Variants in AFDN observed in about 807,000 individuals in gnomAD.
AFDN encodes afadin.
AFDN carries 68 observed loss-of-function variants against 216.6 expected under a neutral mutation model. The observed-to-expected ratio is 0.31, with a 90% CI of 0.26 to 0.38. The LOEUF (loss-of-function observed/expected upper bound fraction) is 0.38, where lower values mean the gene tolerates loss of function less well. Ranked by LOEUF, AFDN falls within the 10% of genes least tolerant of loss-of-function variation. The pLI, the probability that AFDN is intolerant of heterozygous loss-of-function variation, is 1.00. For synonymous variants in AFDN, 868 were observed against 853.7 expected, an observed-to-expected ratio of 1.02 and a Z score of -0.29; for missense variants, 2,136 against 2,342.0, an observed-to-expected ratio of 0.91 and a Z score of 1.82.
chr6:167,895,082 A>G (rs1026618668), intron 9 of AFDN, among the ~76,000 whole-genome samples: 9 of 151,710 alleles, frequency 5.9e-5, no homozygotes, highest in Admixed American at 3.3e-4. Flanking sequence ...ATTGCTAACT[A>G]TGGACCGTAT....
rs57383020 is a variant in AFDN at position 167,897,642 on chromosome 6, C to CTTTTTTTTTTT, written c.1318-548_1318-538dup. ...AATATTGGTTAAGATGACTGTATGC[C>CTTTTTTTTTTT]TTTTTTTTTTTTTTTTTTTTTTTTT... is the stretch of plus-strand genomic sequence containing the variant. On this transcript the variant is annotated intron_variant, in intron 10 of 33. Transcript: ENST00000683244. Among the ~76,000 whole-genome samples, 21 of 89,752 alleles carry CTTTTTTTTTTT rather than the reference C, an allele frequency of 2.3e-4. 1 individual carries two copies. The highest frequency in any genetic ancestry group is 8.3e-4 in the South Asian group (2 of 2,400). The allele number at this position is 89,752 out of a possible 152,430, so 58.9% of individuals were successfully genotyped here. A position where few individuals can be genotyped will look rare whatever the true frequency, so the allele number is the denominator to read the frequency against.
At chr6:167,925,515 G>A (rs1792403045) in intron 23 of AFDN, among the ~76,000 whole-genome samples, 1 of 152,100 alleles carries the variant, frequency 6.6e-6, no homozygotes, top group Non-Finnish European at 1.5e-5. Context: ...AAACCGCTAA[G>A]GACTTTGCTA....
At chr6:167,898,523 G>T in intron 11 of AFDN, 56 bp downstream of exon 11, 2 of 1,490,008 alleles carry the variant, frequency 1.3e-6, no homozygotes, top group South Asian at 2.6e-5. Context: ...AAGTAGTTCA[G>T]ATTATTCATA....
Position 167,947,932 on chromosome 6 carries a change from C to G in AFDN, c.3633C>G (p.Asn1211Lys), listed in dbSNP as rs1352394606. The G allele has an allele frequency of 6.2e-7, 1 of 1,612,866 alleles. No individual in the cohort carries two copies. Among genetic ancestry groups the G allele is most frequent in the Admixed American group, 1.7e-5 (1 of 59,984 alleles). Residue 1211 changes from asparagine to lysine, a missense_variant, in exon 28 of 34, where the codon AAC becomes AAG. By Grantham distance (94) the Asn-to-Lys change is moderately conservative. Around this residue, in one of 8 missense-constraint regions of AFDN, gnomAD observed 981 missense variants for 966.0 expected, o/e 1.02. Transcript: ENST00000683244. ...TAKITSVSTG[N>K]LCTEEQTPPP... ...AGATAACATCTGTCTCTACTGGAAA[C>G]CTCTGCACTGAGGTCTGATTGATTG...
chr6:167,840,643 A>G (rs1562532725), intron 1 of AFDN, among the ~76,000 whole-genome samples: 1 of 152,244 alleles, frequency 6.6e-6, no homozygotes, highest in African/African-American at 2.4e-5. Context: ...GTGTTTTCAT[A>G]GCATCATGTT....
intron 13 of AFDN, among the ~76,000 whole-genome samples, chr6:167,907,999 C>T (rs1789923590): frequency 6.6e-6 from 1 of 152,320 alleles, no homozygotes; most frequent in East Asian, 1.9e-4. Flanking sequence ...TGATTTGGTG[C>T]TGAACACCTC....
At chr6:167,965,466 TTCAG>T (rs1301118759) in intron 31 of AFDN, among the ~76,000 whole-genome samples, 1 of 152,068 alleles carries the variant, frequency 6.6e-6, no homozygotes, top group Non-Finnish European at 1.5e-5. Flanking sequence ...CAGAGGAGAA[TTCAG>T]TCCACTGGGA....
intron 1 of AFDN, among the ~76,000 whole-genome samples, chr6:167,860,055 C>T (rs1783365039): frequency 1.3e-5 from 2 of 150,714 alleles, no homozygotes; most frequent in South Asian, 2.1e-4. Flanking sequence ...ATGAAGTGAT[C>T]ATAGGCAGTT....
intron 29 of AFDN, among the ~76,000 whole-genome samples, chr6:167,950,958 A>G (rs567582563): frequency 3.0e-4 from 45 of 151,794 alleles, no homozygotes; most frequent in African/African-American, 1.0e-3. Context: ...CAGCCTCCCA[A>G]AGTGCTGGGA....
Position 167,946,740 on chromosome 6 carries a change from C to T in AFDN, c.3392C>T (p.Pro1131Leu). 6.2e-7 allele frequency: 1 copy of T among 1,613,984 alleles called. No individual in the cohort carries two copies. The highest frequency in any genetic ancestry group is 1.1e-5 in the South Asian group (1 of 91,064). Reference protein sequence around the residue: ...SDRRGSGKPRPKSEGFELYNN... With the variant: ...SDRRGSGKPRLKSEGFELYNN... The stretch of plus-strand genomic sequence containing the variant: ...CGTCGTGGCTCAGGTAAACCCCGAC[C>T]AAAGAGTGAAGGCTTTGAGCTCTAT... The change falls in exon 27 of 34, where the codon CCA (proline) becomes CTA (leucine). Residue 1131 changes from proline (P) to leucine (L), a missense_variant. By Grantham distance (98) the Pro-to-Leu change is moderately conservative. Transcript: ENST00000683244.
chr6:167,831,198 A>G (rs1779795437), intron 1 of AFDN, among the ~76,000 whole-genome samples: 1 of 152,072 alleles, frequency 6.6e-6, no homozygotes, highest in Non-Finnish European at 1.5e-5. Context: ...TGGCCTCCCA[A>G]AGTCCTGGGA....
chr6:167,894,968 GCTTT>G (rs925412639), intron 9 of AFDN, among the ~76,000 whole-genome samples: 1 of 151,996 alleles, frequency 6.6e-6, no homozygotes, highest in African/African-American at 2.4e-5. Context: ...TACTGCTTTT[GCTTT>G]CTTTATAATT....
Position 167,864,849 on chromosome 6 carries a change from ATCTT to A in AFDN, c.301+108_301+111del, listed in dbSNP as rs745981756. On this transcript the variant is annotated intron_variant, in intron 2 of 33. Coordinates refer to ENST00000683244, the MANE Select transcript of AFDN (RefSeq NM_001386888.1). Reference sequence around the variant, plus strand: ...CATGTCAGGTTTACTGCTCGTCTCCATCTTTCTTCTCTTTTGGTGGGTAGGAGAG... The same window carrying A: ...CATGTCAGGTTTACTGCTCGTCTCCATCTTCTCTTTTGGTGGGTAGGAGAG... The A allele has an allele frequency of 2.5e-6, 3 of 1,184,342 alleles. No homozygotes were observed. The African/African-American group carries it at 4.5e-5, about 18-fold the overall frequency. The allele number at this position is 1,184,342 out of a possible 1,614,324, so 73.4% of individuals were successfully genotyped here.
chr6:167,964,324 A>C lies in AFDN; in HGVS notation c.4969-1433A>C, dbSNP rs565865488. ...CTGCTCTTGGTATAACTAAAAGAGG[A>C]TATTTTGATTTCTTCCTAAAATGTT... On this transcript the variant is annotated intron_variant, in intron 31 of 33. Transcript: ENST00000683244. 13 of 1,064,262 alleles carry C rather than the reference A, an allele frequency of 1.2e-5. No homozygotes were observed. In the African/African-American group the frequency reaches 2.0e-4, roughly 16 times the overall value. 65.9% of individuals were successfully genotyped at this position (1,064,262 alleles called of 1,614,324 possible).
Position 167,969,816 on chromosome 6 carries a change from C to T in AFDN, c.5377C>T (p.Pro1793Ser), listed in dbSNP as rs540286525. Residue 1793 changes from proline to serine, a missense_variant, in exon 34 of 34, where the codon CCT (proline) becomes TCT (serine). Pro to Ser is a moderately conservative substitution (Grantham distance 74, BLOSUM62 -1). Around this residue, in one of 8 missense-constraint regions of AFDN, gnomAD observed 981 missense variants for 966.0 expected, o/e 1.02. Coordinates refer to ENST00000683244, the MANE Select transcript of AFDN (RefSeq NM_001386888.1). ...AGATTCACCTGGAAGTTCTGGGGCC[C>T]CTGAAAACTTGACATTCAAGGAACG... The part of the protein sequence containing the change: ...DADSPGSSGA[P>S]ENLTFKERQR... 3 of 1,612,450 alleles carry T rather than the reference C, an allele frequency of 1.9e-6. No individual in the cohort carries two copies. Among genetic ancestry groups the T allele is most frequent in the African/African-American group, 2.7e-5 (2 of 74,876 alleles).
At chr6:167,906,896 T>G (rs1789762235) in intron 12 of AFDN, among the ~76,000 whole-genome samples, 1 of 152,232 alleles carries the variant, frequency 6.6e-6, no homozygotes, top group South Asian at 2.1e-4. Context: ...AATCATCATG[T>G]GTGTGTTACC....
chr6:167,877,330 TC>T, intron 5 of AFDN, among the ~76,000 whole-genome samples: 1 of 152,314 alleles, frequency 6.6e-6, no homozygotes, highest in East Asian at 1.9e-4. Flanking sequence ...AGGCTACTGT[TC>T]CAGTGGCACA....
intron 31 of AFDN, chr6:167,964,406 C>T: frequency 3.8e-6 from 4 of 1,064,700 alleles, no homozygotes; most frequent in South Asian, 4.6e-5. Context: ...CATTTAAAAG[C>T]CACAAGAAGT....
intron 29 of AFDN, among the ~76,000 whole-genome samples, chr6:167,949,538 GT>G (rs1195463842): frequency 2.0e-5 from 3 of 152,192 alleles, no homozygotes; most frequent in Non-Finnish European, 4.4e-5. Flanking sequence ...CCATCCTGCT[GT>G]TTTCCTAGGT....
Sources: allele counts gnomAD v4.1 joint callset (sites outside exome capture counted in the v4.1 genomes callset), GRCh38; gene constraint gnomAD v4.1.1; regional missense constraint gnomAD v4.1.1; transcripts MANE v1.5; gene names NCBI Gene and HGNC (gene_info 2026-07-23, HGNC 2026-07-21).